The following AIG1 variants were observed in gnomAD, a reference collection of about 807,000 sequenced individuals.
AIG1 encodes androgen-induced gene 1 protein.
Under a neutral mutation model 31.4 loss-of-function variants are expected in AIG1, and 23 were observed. The observed-to-expected ratio is 0.73, with a 90% CI of 0.53 to 1.04. AIG1 has a LOEUF of 1.04. Among genes scored for constraint, AIG1 ranks in the 50% least tolerant of loss-of-function variants. The probability of loss-of-function intolerance (pLI) is 0.00; values close to 1 mark genes in which losing one functional copy is unlikely to be tolerated. For synonymous variants in AIG1, 100 were observed against 110.5 expected (o/e 0.90, Z 0.60); for missense variants, 274 against 295.0 (o/e 0.93, Z 0.52).
At chr6:143,276,186 A>G (rs528379907) in intron 3 of AIG1, among the ~76,000 whole-genome samples, 2 of 152,356 alleles carry the variant, frequency 1.3e-5, no homozygotes, top group African/African-American at 4.8e-5. Context: ...CCTATGACAT[A>G]TAGTTGCTCT....
At chr6:143,083,980 A>G (rs1778527285) in intron 1 of AIG1, among the ~76,000 whole-genome samples, 1 of 152,200 alleles carries the variant, frequency 6.6e-6, no homozygotes, top group Admixed American at 6.5e-5. Flanking sequence ...TGAAAAGAGT[A>G]AAGTTCCCCA....
rs1776827081 is a variant in AIG1 at position 143,328,824 on chromosome 6, A to AT, written c.516-4457dup. Among the ~76,000 whole-genome samples the AT allele has an allele frequency of 6.6e-6, 1 of 152,226 alleles. No individual in the cohort carries two copies. The highest frequency in any genetic ancestry group is 6.5e-5 in the Admixed American group (1 of 15,272). On this transcript the variant is annotated intron_variant, in intron 4 of 5. Coordinates refer to ENST00000357847, the MANE Select transcript of AIG1 (RefSeq NM_016108.4). The surrounding 1 kb of genome is among the most constrained non-coding windows in gnomAD (Gnocchi z 4.0). ...AAAATCTTATTATGCTAATATGTGC[A>AT]TATATATGTATGCACACATATCATG...
Position 143,143,544 on chromosome 6 carries a change from TATATATATATAC to T in AIG1, c.297+6556_297+6567del, listed in dbSNP as rs1217159329. ...AAAAAAAAAAATATATATATATATA[TATATATATATAC>T]ACACACACTTAATATCTTCTGATCC... On this transcript the variant is annotated intron_variant, in intron 2 of 5. Transcript: ENST00000357847. Among the ~76,000 whole-genome samples the T allele has an allele frequency of 1.8e-4, 21 of 116,828 alleles. 1 individual carries two copies. Among genetic ancestry groups the T allele is most frequent in the African/African-American group, 5.9e-4 (16 of 26,944 alleles). 76.6% of individuals were successfully genotyped at this position (116,828 alleles called of 152,430 possible). A position where few individuals can be genotyped will look rare whatever the true frequency, so the allele number is the denominator to read the frequency against.
At chr6:143,115,241 A>T (rs1781638573) in intron 1 of AIG1, among the ~76,000 whole-genome samples, 1 of 152,242 alleles carries the variant, frequency 6.6e-6, no homozygotes, top group Non-Finnish European at 1.5e-5. Context: ...AAATGTATAC[A>T]TATTTTAAAG....
At chr6:143,269,438 T>C (rs1247327772) in intron 3 of AIG1, among the ~76,000 whole-genome samples, 2 of 152,224 alleles carry the variant, frequency 1.3e-5, no homozygotes, top group African/African-American at 2.4e-5. Flanking sequence ...TCTGTGATCA[T>C]GTCCTATGAG....
At chr6:143,226,228 T>C (rs543604782) in intron 3 of AIG1, among the ~76,000 whole-genome samples, 1 of 148,880 alleles carries the variant, frequency 6.7e-6, no homozygotes, top group African/African-American at 2.4e-5. Context: ...ATTCCATTCT[T>C]CTTAACTATA....
At chr6:143,242,445 ATG>A (rs1293124325) in intron 3 of AIG1, among the ~76,000 whole-genome samples, 1 of 152,238 alleles carries the variant, frequency 6.6e-6, no homozygotes, top group African/African-American at 2.4e-5. Context: ...CCACAACTAT[ATG>A]GGGAAGGGGG....
At chr6:143,303,515 T>C (rs570494399) in intron 4 of AIG1, among the ~76,000 whole-genome samples, 1 of 152,366 alleles carries the variant, frequency 6.6e-6, no homozygotes, top group East Asian at 1.9e-4. Context: ...TTCTCAGATT[T>C]GTCAAAGATT....
At chr6:143,181,173 A>G (rs1250506277) in intron 3 of AIG1, among the ~76,000 whole-genome samples, 3 of 152,216 alleles carry the variant, frequency 2.0e-5, no homozygotes, top group African/African-American at 7.2e-5. Context: ...TATGAAAAAA[A>G]ACTGGCCTTT....
At chr6:143,210,844 C>T (rs1252552237) in intron 3 of AIG1, among the ~76,000 whole-genome samples, 3 of 152,176 alleles carry the variant, frequency 2.0e-5, no homozygotes, top group Admixed American at 6.5e-5. Context: ...CTATGACTTT[C>T]AAGGCCTTTT....
chr6:143,127,206 C>T (rs1168680603), intron 1 of AIG1, among the ~76,000 whole-genome samples: 2 of 152,288 alleles, frequency 1.3e-5, no homozygotes, highest in East Asian at 1.9e-4. Context: ...GTTTTATCCT[C>T]ATATGGGGAC....
intron 3 of AIG1, among the ~76,000 whole-genome samples, chr6:143,283,409 G>A (rs986769044): frequency 6.6e-6 from 1 of 152,168 alleles, no homozygotes; most frequent in African/African-American, 2.4e-5. Context: ...TGCTGCTCGT[G>A]CACACATAAT....
chr6:143,182,722 G>C (rs1189572135), intron 3 of AIG1, among the ~76,000 whole-genome samples: 2 of 152,056 alleles, frequency 1.3e-5, no homozygotes, highest in Non-Finnish European at 2.9e-5. Context: ...CATAGGGTAG[G>C]GGTCTTTATT....
chr6:143,158,003 G>C (rs1785966355), intron 2 of AIG1, among the ~76,000 whole-genome samples: 1 of 152,188 alleles, frequency 6.6e-6, no homozygotes, highest in East Asian at 1.9e-4. Flanking sequence ...CTAGGGAATG[G>C]AGCTAGGGCA....
intron 3 of AIG1, among the ~76,000 whole-genome samples, chr6:143,185,244 T>G (rs1583449277): frequency 6.6e-6 from 1 of 152,072 alleles, no homozygotes; most frequent in Admixed American, 6.5e-5. Context: ...ACCCTTTGAT[T>G]CTGAATCTGA....
chr6:143,103,531 G>A (rs1287498525), intron 1 of AIG1, among the ~76,000 whole-genome samples: 4 of 125,172 alleles, frequency 3.2e-5, no homozygotes, highest in Admixed American at 8.8e-5. Context: ...TTTTTGAGAC[G>A]GAGTCTCGCT....
At chr6:143,160,491 A>C (rs1326716567) in intron 2 of AIG1, among the ~76,000 whole-genome samples, 1 of 152,228 alleles carries the variant, frequency 6.6e-6, no homozygotes, top group Non-Finnish European at 1.5e-5. Flanking sequence ...AAAGGACTGG[A>C]AAGTGACTGT....
intron 1 of AIG1, among the ~76,000 whole-genome samples, chr6:143,127,061 A>T (rs1019650341): frequency 6.6e-6 from 1 of 152,218 alleles, no homozygotes; most frequent in African/African-American, 2.4e-5. Flanking sequence ...GAGAGATTTT[A>T]TATGTAGATA....
At chr6:143,159,270 C>T (rs751400801) in intron 2 of AIG1, among the ~76,000 whole-genome samples, 23 of 152,204 alleles carry the variant, frequency 1.5e-4, no homozygotes, top group Admixed American at 1.3e-3. Context: ...CAGAACATGG[C>T]ACAGGCCGAG....
Sources: gnomAD v4.1 joint callset for allele counts (sites outside exome capture counted in the v4.1 genomes callset) on GRCh38, gnomAD v4.1.1 for gene constraint, Gnocchi (gnomAD v3.1) non-coding constraint, MANE v1.5 for transcripts, NCBI Gene and HGNC (gene_info 2026-07-23, HGNC 2026-07-21) for gene names.